MOB3B: variants seen among roughly 807,000 people sequenced by gnomAD.
MOB3B encodes MOB kinase activator-like 2B.
In MOB3B, 7 loss-of-function variants were observed where a neutral mutation model predicts 18.7. That is an observed-to-expected ratio of 0.37 (90% CI 0.21 to 0.70). MOB3B has a LOEUF of 0.70. Ranked by LOEUF, MOB3B falls within the 30% of genes least tolerant of loss-of-function variation. The pLI is 0.52. For synonymous variants in MOB3B, 111 were observed against 99.9 expected (o/e 1.11, Z -0.66); for missense variants, 253 against 281.3 (o/e 0.90, Z 0.72).
rs983705146 is a variant in MOB3B, at chr9:27,493,578, T to A, written c.-199+35977A>T. Among the ~76,000 whole-genome samples, 11 of 152,162 alleles carry A rather than the reference T, an allele frequency of 7.2e-5. No individual in the cohort carries two copies. In the East Asian group the frequency reaches 1.9e-3, roughly 27 times the overall value. ...ATGGCGTGAACCTGGGAGGTGAAGG[T>A]TGCAGTGAGCTGAGATCCCGCCACT... On this transcript the variant is annotated intron_variant, in intron 1 of 3. Coordinates refer to ENST00000262244, the MANE Select transcript of MOB3B (RefSeq NM_024761.5).
At chr9:27,382,805 A>G (rs1412510736) in intron 2 of MOB3B, among the ~76,000 whole-genome samples, 4 of 151,884 alleles carry the variant, frequency 2.6e-5, no homozygotes, top group African/African-American at 4.8e-5. Flanking sequence ...CCTGAGGGGT[A>G]TGAAACTGCC....
chr9:27,435,690 C>A (rs1822490269), intron 2 of MOB3B, among the ~76,000 whole-genome samples: 1 of 152,192 alleles, frequency 6.6e-6, no homozygotes, highest in South Asian at 2.1e-4. Context: ...ACCTCCACCT[C>A]CTGAGTTCAA....
intron 1 of MOB3B, among the ~76,000 whole-genome samples, chr9:27,472,141 T>C (rs562786721): frequency 2.4e-4 from 36 of 152,308 alleles, no homozygotes; most frequent in African/African-American, 7.0e-4. Flanking sequence ...GTGAAGGGTG[T>C]AAATTTTTTC....
intron 2 of MOB3B, among the ~76,000 whole-genome samples, chr9:27,425,938 G>A (rs1180649172): frequency 6.6e-6 from 1 of 152,204 alleles, no homozygotes; most frequent in African/African-American, 2.4e-5. Flanking sequence ...ACGGCAAACT[G>A]ACTTATCCAT....
chr9:27,362,569 C>T (rs1239355028), intron 2 of MOB3B, among the ~76,000 whole-genome samples: 2 of 152,126 alleles, frequency 1.3e-5, no homozygotes, highest in South Asian at 2.1e-4. Flanking sequence ...ACCATTCCCT[C>T]CCTCCCATGT....
At chr9:27,509,306 G>T (rs576483020) in intron 1 of MOB3B, among the ~76,000 whole-genome samples, 2 of 152,092 alleles carry the variant, frequency 1.3e-5, no homozygotes, top group African/African-American at 4.8e-5. Context: ...GGGAGAGAGA[G>T]GGAGGGAGAG....
chr9:27,511,216 C>CA (rs35317203), intron 1 of MOB3B, among the ~76,000 whole-genome samples: 127,867 of 145,818 alleles, frequency 0.88, 56,315 homozygotes, highest in East Asian at 0.95. Context: ...TCATCTTTGA[C>CA]AAAAAAAAAA....
intron 1 of MOB3B, among the ~76,000 whole-genome samples, chr9:27,459,228 C>A (rs1341386852): frequency 6.6e-6 from 1 of 151,398 alleles, no homozygotes; most frequent in Non-Finnish European, 1.5e-5. Context: ...GGACCCCTGC[C>A]CATAATTTAT....
intron 2 of MOB3B, among the ~76,000 whole-genome samples, chr9:27,403,054 T>C (rs1821909506): frequency 6.6e-6 from 1 of 152,060 alleles, no homozygotes; most frequent in South Asian, 2.1e-4. Context: ...AAAGGGAGAC[T>C]AGTCATGGAC....
Position 27,326,436 on chromosome 9 carries a change from G to A in MOB3B, c.*4151C>T, listed in dbSNP as rs1267042033. 4 of 398,242 alleles carry A rather than the reference G, an allele frequency of 1.0e-5. No homozygotes were observed. The East Asian group carries it at 1.4e-4, about 14-fold the overall frequency. The allele number at this position is 398,242 out of a possible 1,614,324, so 24.7% of individuals were successfully genotyped here. On this transcript the variant is annotated 3_prime_UTR_variant, in exon 4 of 4. Transcript: ENST00000262244. ...TCATCTTTGGACCTTTCTAAAAGTG[G>A]GACACTAGAAAAGATATACTGAAAC... is the stretch of plus-strand genomic sequence containing the variant.
At chr9:27,447,288 C>A (rs1822707451) in intron 2 of MOB3B, among the ~76,000 whole-genome samples, 1 of 152,150 alleles carries the variant, frequency 6.6e-6, no homozygotes, top group South Asian at 2.1e-4. Flanking sequence ...AAGCTTGACA[C>A]TTAGACAGCC....
At chr9:27,466,618 T>C (rs527578056) in intron 1 of MOB3B, among the ~76,000 whole-genome samples, 1 of 152,300 alleles carries the variant, frequency 6.6e-6, no homozygotes, top group East Asian at 1.9e-4. Flanking sequence ...TTAATTGGAC[T>C]TAGAGTTCCA....
At chr9:27,331,679 C>T (rs922691796) in intron 3 of MOB3B, among the ~76,000 whole-genome samples, 1 of 152,200 alleles carries the variant, frequency 6.6e-6, no homozygotes, top group Admixed American at 6.5e-5. Context: ...AGCCCTGTGC[C>T]ATTTAGCATC....
intron 2 of MOB3B, among the ~76,000 whole-genome samples, chr9:27,390,915 A>T (rs1821719424): frequency 6.6e-6 from 1 of 152,166 alleles, no homozygotes; most frequent in South Asian, 2.1e-4. Context: ...CTGAGGACAC[A>T]CTGAGAAACT....
At chr9:27,339,241 G>A (rs1329262732) in intron 3 of MOB3B, among the ~76,000 whole-genome samples, 1 of 152,220 alleles carries the variant, frequency 6.6e-6, no homozygotes, top group East Asian at 1.9e-4. Flanking sequence ...CGAGGTTCAG[G>A]CATGAGGCCT....
intron 3 of MOB3B, among the ~76,000 whole-genome samples, chr9:27,357,050 A>G (rs1821199197): frequency 6.8e-6 from 1 of 146,474 alleles, no homozygotes; most frequent in African/African-American, 2.5e-5. Context: ...CTCTTTTTAA[A>G]GTAAAGATGT....
At chr9:27,335,533 A>G (rs1461761269) in intron 3 of MOB3B, among the ~76,000 whole-genome samples, 1 of 152,182 alleles carries the variant, frequency 6.6e-6, no homozygotes, top group Non-Finnish European at 1.5e-5. Context: ...AATGGCTTTC[A>G]GTAGTTTTCA....
At chr9:27,362,176 T>G (rs1210226898) in intron 2 of MOB3B, among the ~76,000 whole-genome samples, 2 of 152,264 alleles carry the variant, frequency 1.3e-5, no homozygotes, top group African/African-American at 4.8e-5. Flanking sequence ...TGAAGGGGGT[T>G]TGCCTCTTGC....
At position 27,483,264 on chromosome 9, in the gene MOB3B, C is replaced by CT. The variant is rs1340578840; in HGVS notation, c.-198-27517dup. Among the ~76,000 whole-genome samples the CT allele has an allele frequency of 3.3e-5, 5 of 151,120 alleles. No homozygotes were observed. In the East Asian group the frequency reaches 9.9e-4, roughly 30 times the overall value. On this transcript the variant is annotated intron_variant, in intron 1 of 3. Coordinates refer to ENST00000262244, the MANE Select transcript of MOB3B (RefSeq NM_024761.5). ...TCTCCCGCCTCAGCCTCCCGAGTAGCTGGGACTACAGGCGCCCGCTGCCAC... is the reference window on the plus strand; with the variant it reads ...TCTCCCGCCTCAGCCTCCCGAGTAGCTTGGGACTACAGGCGCCCGCTGCCAC...
Sources: gnomAD v4.1 joint callset for allele counts (sites outside exome capture counted in the v4.1 genomes callset) on GRCh38, gnomAD v4.1.1 for gene constraint, MANE v1.5 for transcripts, NCBI Gene and HGNC (gene_info 2026-07-23, HGNC 2026-07-21) for gene names.